The following RBM46 variants were observed in gnomAD, a reference collection of about 807,000 sequenced individuals.
RBM46 encodes RNA binding motif protein 46.
In RBM46, 12 loss-of-function variants were observed where a neutral mutation model predicts 43.3. That is an observed-to-expected ratio of 0.28 (90% CI 0.18 to 0.45). RBM46 has a LOEUF of 0.45. Among genes scored for constraint, RBM46 ranks in the 20% least tolerant of loss-of-function variants. The pLI is 1.00. For synonymous variants in RBM46, 205 were observed against 207.6 expected (o/e 0.99, Z 0.11); for missense variants, 412 against 639.1 (o/e 0.64, Z 3.83).
At chr4:154,808,197 T>C (rs924378961) in intron 4 of RBM46, among the ~76,000 whole-genome samples, 3 of 152,030 alleles carry the variant, frequency 2.0e-5, no homozygotes, top group Admixed American at 6.6e-5. Context: ...TATACCTTGA[T>C]TTCTGTACAC....
At chr4:154,827,562 A>G in intron 4 of RBM46, 1 of 1,101,058 alleles carries the variant, frequency 9.1e-7, no homozygotes, top group Non-Finnish European at 1.1e-6. Context: ...TTTGTAGAGC[A>G]AGAGAAATGA....
At chr4:154,800,286 A>G (rs1315276334) in intron 4 of RBM46, among the ~76,000 whole-genome samples, 1 of 152,146 alleles carries the variant, frequency 6.6e-6, no homozygotes, top group Non-Finnish European at 1.5e-5. Context: ...TTTGAGGGGC[A>G]GGGGATAGGG....
intron 4 of RBM46, among the ~76,000 whole-genome samples, chr4:154,817,738 A>G (rs1243060483): frequency 6.6e-6 from 1 of 152,166 alleles, no homozygotes; most frequent in African/African-American, 2.4e-5. Context: ...TTCTAAATAT[A>G]CATTTAATGT....
intron 4 of RBM46, among the ~76,000 whole-genome samples, chr4:154,810,249 G>A (rs1425145600): frequency 1.3e-5 from 2 of 152,082 alleles, no homozygotes; most frequent in Non-Finnish European, 2.9e-5. Context: ...ACTCTAGAGA[G>A]TCTCAAATTA....
chr4:154,785,592 A>G (rs1733721026), intron 1 of RBM46, among the ~76,000 whole-genome samples: 1 of 152,096 alleles, frequency 6.6e-6, no homozygotes, highest in African/African-American at 2.4e-5. Context: ...AGTCTTAACT[A>G]GATTCTTGTT....
rs1736058873 is a variant in RBM46, at chr4:154,828,209, A to G, written c.*142A>G. 1 of 632,754 alleles carries G rather than the reference A, an allele frequency of 1.6e-6. No individual in the cohort carries two copies. The highest frequency in any genetic ancestry group is 1.8e-5 in the African/African-American group (1 of 54,522). The allele number at this position is 632,754 out of a possible 1,614,324, so 39.2% of individuals were successfully genotyped here. A position where few individuals can be genotyped will look rare whatever the true frequency, so the allele number is the denominator to read the frequency against. Reference sequence around the variant, plus strand: ...TATTCCAAAGTACTAAACATCAGCTATAATTCAGAATAACATGGAGTTGTA... The same window carrying G: ...TATTCCAAAGTACTAAACATCAGCTGTAATTCAGAATAACATGGAGTTGTA... On this transcript the variant is annotated 3_prime_UTR_variant, in exon 5 of 5. Coordinates refer to ENST00000281722, the MANE Select transcript of RBM46 (RefSeq NM_144979.5).
intron 1 of RBM46, among the ~76,000 whole-genome samples, chr4:154,795,631 A>G (rs1365215198): frequency 3.3e-5 from 5 of 152,006 alleles, no homozygotes; most frequent in African/African-American, 1.2e-4. Context: ...TTTTAGAAGG[A>G]GCTCCCTGAT....
At chr4:154,783,488 A>C (rs949838528) in intron 1 of RBM46, among the ~76,000 whole-genome samples, 1 of 152,222 alleles carries the variant, frequency 6.6e-6, no homozygotes, top group African/African-American at 2.4e-5. Context: ...TTAATGCCGA[A>C]TGTTATTTCT....
intron 1 of RBM46, among the ~76,000 whole-genome samples, chr4:154,782,710 G>A (rs1269262778): frequency 1.3e-5 from 2 of 152,074 alleles, no homozygotes; most frequent in Non-Finnish European, 2.9e-5. Flanking sequence ...CTCGATCTCT[G>A]GACCTCATGA....
chr4:154,824,528 T>G (rs1578956607), intron 4 of RBM46, among the ~76,000 whole-genome samples: 1 of 152,008 alleles, frequency 6.6e-6, no homozygotes, highest in East Asian at 1.9e-4. Context: ...ATGAAGAAAC[T>G]ACTGAAAGAT....
chr4:154,826,798 C>G (rs919029860), intron 4 of RBM46: 1 of 1,515,024 alleles, frequency 6.6e-7, no homozygotes, highest in African/African-American at 1.4e-5. Context: ...AGCTTACTCT[C>G]CTGCAGTTGA....
intron 4 of RBM46, among the ~76,000 whole-genome samples, chr4:154,818,396 T>C (rs574360693): frequency 7.9e-5 from 12 of 152,328 alleles, no homozygotes; most frequent in Non-Finnish European, 1.3e-4. Flanking sequence ...GCAGTAGTTA[T>C]GATTCCACTG....
At chr4:154,789,947 C>G (rs1280309945) in intron 1 of RBM46, among the ~76,000 whole-genome samples, 1 of 152,144 alleles carries the variant, frequency 6.6e-6, no homozygotes, top group African/African-American at 2.4e-5. Context: ...TCTAGATTTT[C>G]TAGTTTATCT....
At chr4:154,827,171 G>A (rs566423301) in intron 4 of RBM46, 204 of 913,034 alleles carry the variant, frequency 2.2e-4, no homozygotes, top group Non-Finnish European at 2.6e-4. Flanking sequence ...TATTTCAAAT[G>A]TTATTTTTTA....
chr4:154,817,770 TAA>T (rs1244876462), intron 4 of RBM46, among the ~76,000 whole-genome samples: 3 of 152,226 alleles, frequency 2.0e-5, no homozygotes, highest in Non-Finnish European at 4.4e-5. Flanking sequence ...GGCTTGGGAT[TAA>T]GTCTCTCATT....
intron 4 of RBM46, among the ~76,000 whole-genome samples, chr4:154,801,892 T>TC (rs1257470901): frequency 2.0e-5 from 3 of 152,202 alleles, no homozygotes; most frequent in Non-Finnish European, 4.4e-5. Flanking sequence ...TAATTAGTGA[T>TC]CAAGGTAACA....
chr4:154,800,770 A>G (rs1442750122), intron 4 of RBM46, among the ~76,000 whole-genome samples: 2 of 152,186 alleles, frequency 1.3e-5, no homozygotes, highest in Admixed American at 6.5e-5. Flanking sequence ...TTTCTTGATT[A>G]TAATTGTGAA....
chr4:154,788,722 A>G (rs1470230260), intron 1 of RBM46, among the ~76,000 whole-genome samples: 1 of 152,172 alleles, frequency 6.6e-6, no homozygotes, highest in Non-Finnish European at 1.5e-5. Context: ...TCTGTGAAGA[A>G]AGTCATTGGT....
intron 1 of RBM46, among the ~76,000 whole-genome samples, chr4:154,782,272 C>A (rs1211930784): frequency 6.6e-6 from 1 of 152,208 alleles, no homozygotes; most frequent in Non-Finnish European, 1.5e-5. Flanking sequence ...GGCATTTAAT[C>A]CTGGCGTTGA....
Sources: gnomAD v4.1 joint callset for allele counts (sites outside exome capture counted in the v4.1 genomes callset) on GRCh38, gnomAD v4.1.1 for gene constraint, MANE v1.5 for transcripts, NCBI Gene and HGNC (gene_info 2026-07-23, HGNC 2026-07-21) for gene names.